The following NOTCH2 variants were observed in gnomAD, a reference collection of about 807,000 sequenced individuals.
The protein encoded by NOTCH2 is notch receptor 2, also known as neurogenic locus notch homolog protein 2.
A neutral mutation model predicts 235.8 loss-of-function variants in NOTCH2; 29 were observed. The ratio of observed to expected loss-of-function variants is 0.12; its 90% CI spans 0.09 to 0.17. The LOEUF is 0.17. Among genes scored for constraint, NOTCH2 ranks in the 10% least tolerant of loss-of-function variants. The probability of loss-of-function intolerance (pLI) is 1.00; values close to 1 mark genes in which losing one functional copy is unlikely to be tolerated. For synonymous variants in NOTCH2, 1,086 were observed against 1,141.5 expected (o/e 0.95, Z 0.98); for missense variants, 2,285 against 3,150.2 (o/e 0.73, Z 6.57).
chr1:120,015,157 G>A (rs1273757035), intron 2 of NOTCH2, among the ~76,000 whole-genome samples: 2 of 152,072 alleles, frequency 1.3e-5, no homozygotes, highest in African/African-American at 2.4e-5. Flanking sequence ...AATGTGGAAC[G>A]AAGGGGAAAA....
chr1:119,977,511 G>C (rs1651632971), intron 5 of NOTCH2, among the ~76,000 whole-genome samples: 1 of 152,224 alleles, frequency 6.6e-6, no homozygotes. Context: ...CTCTGCGGTA[G>C]AGCTCCTGCA....
chr1:119,957,580 G>T (rs782098998), intron 12 of NOTCH2, among the ~76,000 whole-genome samples: 6 of 152,044 alleles, frequency 3.9e-5, no homozygotes, highest in Non-Finnish European at 8.8e-5. Context: ...CATCTCTAAT[G>T]TTTTTAGCAG....
chr1:119,930,988 A>T (rs1649633018), intron 22 of NOTCH2, among the ~76,000 whole-genome samples: 1 of 150,900 alleles, frequency 6.6e-6, no homozygotes, highest in South Asian at 2.1e-4. Context: ...TTGTAGTCCC[A>T]GCTACTCGGG....
chr1:120,016,064 G>A (rs1309290750), intron 2 of NOTCH2, among the ~76,000 whole-genome samples: 1 of 130,890 alleles, frequency 7.6e-6, no homozygotes, highest in Middle Eastern at 3.8e-3. Flanking sequence ...TCCAGAACTG[G>A]GACGCTTGTG....
intron 25 of NOTCH2, among the ~76,000 whole-genome samples, chr1:119,924,875 C>G (rs906273231): frequency 3.9e-5 from 6 of 152,022 alleles, no homozygotes; most frequent in African/African-American, 1.5e-4. Flanking sequence ...CAATTAAGAC[C>G]GGGAGGGTTC....
intron 1 of NOTCH2, among the ~76,000 whole-genome samples, chr1:120,048,045 G>T (rs1654866768): frequency 6.6e-6 from 1 of 151,924 alleles, no homozygotes; most frequent in Non-Finnish European, 1.5e-5. Context: ...GGATTAACAG[G>T]CATGAGCCAC....
chr1:119,919,832 G>GTT (rs1649210715), intron 30 of NOTCH2, among the ~76,000 whole-genome samples: 1 of 152,120 alleles, frequency 6.6e-6, no homozygotes, highest in Admixed American at 6.5e-5. Context: ...TAAGCTGGGG[G>GTT]CTCTTCTCTA....
At chr1:119,933,229 C>A (rs145527598) in intron 22 of NOTCH2, among the ~76,000 whole-genome samples, 15 of 152,232 alleles carry the variant, frequency 9.9e-5, no homozygotes, top group Admixed American at 2.0e-4. Flanking sequence ...TTACATTTAG[C>A]CCTTGACCTG....
At chr1:119,939,468 T>C (rs1462511126) in intron 19 of NOTCH2, among the ~76,000 whole-genome samples, 2 of 152,242 alleles carry the variant, frequency 1.3e-5, no homozygotes, top group African/African-American at 4.8e-5. Flanking sequence ...GAAATCCACA[T>C]GGGTCTTGAC....
chr1:119,978,258 C>T lies in NOTCH2; in HGVS notation c.875-8514G>A, dbSNP rs587598491. On this transcript the variant is annotated intron_variant, in intron 5 of 33. Coordinates refer to ENST00000256646, the MANE Select transcript of NOTCH2 (RefSeq NM_024408.4). ...TCATTTGCGGCAATGAAAAAAAATT[C>T]TTGTGGTTGAATTATAAGAAATGCA... Among the ~76,000 whole-genome samples the T allele has an allele frequency of 3.2e-4, 48 of 152,138 alleles. 1 individual carries two copies. Among genetic ancestry groups the T allele is most frequent in the African/African-American group, 8.7e-4 (36 of 41,478 alleles).
At chr1:119,999,971 GAAAGA>G (rs1557840265) in intron 3 of NOTCH2, among the ~76,000 whole-genome samples, 1,237 of 97,722 alleles carry the variant, frequency 0.013, 4 homozygotes, top group East Asian at 0.021. Flanking sequence ...AAGAAAGAAA[GAAAGA>G]AAGGAAGGAA....
In NOTCH2 at chr1:119,941,741, A is replaced by G; in HGVS notation, c.2766T>C (p.Asn922=). The part of the protein sequence containing the change: ...IDDCLANPCQ[N]GGSCMDGVNT... ...TCACTCCATCCATACAGGAACCTCC[A>G]TTCTGGCAAGGATCTAAGCCATTAC... The change falls in exon 18 of 34, where the codon AAT becomes AAC. Residue 922 remains asparagine (N), a synonymous_variant. Transcript: ENST00000256646. 6.2e-7 allele frequency: 1 copy of G among 1,613,800 alleles called. No homozygotes were observed. The highest frequency in any genetic ancestry group is 1.1e-5 in the South Asian group (1 of 91,052).
At chr1:119,954,105 A>G (rs1650594363) in intron 13 of NOTCH2, among the ~76,000 whole-genome samples, 1 of 152,214 alleles carries the variant, frequency 6.6e-6, no homozygotes, top group South Asian at 2.1e-4. Flanking sequence ...GAGCCACTCT[A>G]AGATGCTCCT....
At chr1:119,947,419 A>G (rs187326761) in intron 17 of NOTCH2, among the ~76,000 whole-genome samples, 2 of 152,350 alleles carry the variant, frequency 1.3e-5, no homozygotes, top group Admixed American at 1.3e-4. Context: ...GATGCTTAAC[A>G]TCATTGGCAG....
Position 119,979,768 on chromosome 1 carries a change from A to G in NOTCH2, c.874+7192T>C, listed in dbSNP as rs587765791. Among the ~76,000 whole-genome samples, 12 of 152,298 alleles carry G rather than the reference A, an allele frequency of 7.9e-5. No homozygotes were observed. In the East Asian group the frequency reaches 1.9e-3, roughly 24 times the overall value. On this transcript the variant is annotated intron_variant, in intron 5 of 33. Transcript: ENST00000256646. ...GAATATGTATATGTTTATAAATTTG[A>G]TAACAATAATATAAATATTGAAACC...
At chr1:119,977,461 G>A (rs1482448609) in intron 5 of NOTCH2, among the ~76,000 whole-genome samples, 3 of 152,142 alleles carry the variant, frequency 2.0e-5, no homozygotes, top group African/African-American at 4.8e-5. Flanking sequence ...TTCTTTGACT[G>A]AAACCTGAGT....
At chr1:119,918,380 T>C (rs1185847452) in intron 32 of NOTCH2, 26 bp downstream of exon 32, 2 of 1,613,370 alleles carry the variant, frequency 1.2e-6, no homozygotes, top group African/African-American at 1.3e-5. Context: ...CAGGTAAGAA[T>C]CCAAATCCCT....
At chr1:119,925,169 G>A (rs892232265) in intron 25 of NOTCH2, 136 bp downstream of exon 25, 4 of 1,067,166 alleles carry the variant, frequency 3.7e-6, no homozygotes, top group African/African-American at 1.6e-5. Flanking sequence ...GGCAGTGTGC[G>A]ATGGGACAAG....
intron 1 of NOTCH2, among the ~76,000 whole-genome samples, chr1:120,067,376 C>T (rs1386383022): frequency 6.6e-6 from 1 of 151,658 alleles, no homozygotes; most frequent in Admixed American, 6.6e-5. Context: ...AGCTAATAAT[C>T]GCAGCACCTC....
Sources: allele counts gnomAD v4.1 joint callset (sites outside exome capture counted in the v4.1 genomes callset), GRCh38; gene constraint gnomAD v4.1.1; transcripts MANE v1.5; gene names NCBI Gene and HGNC (gene_info 2026-07-23, HGNC 2026-07-21).